Variants in GRM5 observed in about 807,000 individuals in gnomAD.
GRM5 encodes metabotropic glutamate receptor 5.
GRM5 carries 19 observed loss-of-function variants against 83.1 expected under a neutral mutation model. The observed-to-expected ratio is 0.23, with a 90% CI of 0.16 to 0.34. The LOEUF is 0.34. Among genes scored for constraint, GRM5 ranks in the 10% least tolerant of loss-of-function variants. GRM5 has a pLI of 1.00. For missense variants in GRM5, 1,160 were observed against 1,588.3 expected (o/e 0.73, Z 4.58); for synonymous variants, 675 against 633.6 (o/e 1.07, Z -0.98).
chr11:88,856,135 A>G (rs1403030508), intron 2 of GRM5, among the ~76,000 whole-genome samples: 2 of 152,074 alleles, frequency 1.3e-5, no homozygotes, highest in African/African-American at 4.8e-5. Context: ...TAAGATTCCC[A>G]ATATAAACAA....
intron 3 of GRM5, among the ~76,000 whole-genome samples, chr11:88,680,209 T>A (rs561655233): frequency 6.6e-6 from 1 of 152,294 alleles, no homozygotes; most frequent in African/African-American, 2.4e-5. Context: ...ACATTAGGTA[T>A]ATCTCCTAAT....
At chr11:88,585,457 A>C (rs977495174) in intron 7 of GRM5, among the ~76,000 whole-genome samples, 1 of 152,190 alleles carries the variant, frequency 6.6e-6, no homozygotes, top group Non-Finnish European at 1.5e-5. Context: ...ATTTCCCTTA[A>C]GATAAACTTT....
intron 3 of GRM5, among the ~76,000 whole-genome samples, chr11:88,843,439 G>T (rs1590904636): frequency 6.6e-6 from 1 of 152,156 alleles, no homozygotes; most frequent in Non-Finnish European, 1.5e-5. Flanking sequence ...TGTTGTAATT[G>T]GTTTGGGGCA....
At position 88,565,953 on chromosome 11, in the gene GRM5, T is replaced by C. The variant is rs531916636; in HGVS notation, c.2630+1100A>G. Among the ~76,000 whole-genome samples the C allele has an allele frequency of 7.0e-4, 106 of 152,342 alleles. 1 individual carries two copies. Among genetic ancestry groups the C allele is most frequent in the Middle Eastern group, 3.4e-3 (1 of 294 alleles). ...GTATCTTTACCATCATAATAAGTCA[T>C]ACTTTGAAGATTTAGGGCTGACAGA... On this transcript the variant is annotated intron_variant, in intron 8 of 9. Transcript: ENST00000305447.
At chr11:88,559,392 A>G (rs551989573) in intron 8 of GRM5, among the ~76,000 whole-genome samples, 2 of 152,304 alleles carry the variant, frequency 1.3e-5, no homozygotes, top group Admixed American at 1.3e-4. Flanking sequence ...TGAGTGGGCT[A>G]TGAAGCTAGC....
chr11:88,668,180 T>C (rs571544417), intron 3 of GRM5, among the ~76,000 whole-genome samples: 8 of 150,922 alleles, frequency 5.3e-5, no homozygotes, highest in Admixed American at 1.3e-4. Flanking sequence ...CTTAAATCAG[T>C]GGAAGTTTAT....
chr11:89,043,987 T>C (rs1352526437), intron 2 of GRM5, among the ~76,000 whole-genome samples: 1 of 152,110 alleles, frequency 6.6e-6, no homozygotes, highest in Non-Finnish European at 1.5e-5. Context: ...TAAAAGGGAA[T>C]TATCAAGTCA....
chr11:88,963,804 T>C (rs1938858397), intron 2 of GRM5, among the ~76,000 whole-genome samples: 2 of 152,302 alleles, frequency 1.3e-5, no homozygotes, highest in East Asian at 1.9e-4. Flanking sequence ...GCTGTGAAGA[T>C]ACAGATATCA....
At chr11:88,993,162 A>G (rs1169079063) in intron 2 of GRM5, among the ~76,000 whole-genome samples, 6 of 150,346 alleles carry the variant, frequency 4.0e-5, no homozygotes, top group African/African-American at 7.3e-5. Context: ...GCTCCTCCGT[A>G]GGCTAAGGCA....
intron 2 of GRM5, among the ~76,000 whole-genome samples, chr11:88,893,817 GTCATCA>G (rs1945186498): frequency 6.6e-6 from 1 of 151,986 alleles, no homozygotes; most frequent in African/African-American, 2.4e-5. Context: ...GCCAGAAAGA[GTCATCA>G]TCCAACACCC....
chr11:88,820,300 G>A lies in GRM5; in HGVS notation c.911+29606C>T, dbSNP rs181847787. 1.8e-3 allele frequency among the ~76,000 whole-genome samples: 261 copies of A among 144,056 alleles called. 5 individuals are homozygous for A. Among genetic ancestry groups the A allele is most frequent in the African/African-American group, 6.6e-3 (252 of 38,306 alleles). The allele number at this position is 144,056 out of a possible 152,430, so 94.5% of individuals were successfully genotyped here. On this transcript the variant is annotated intron_variant, in intron 3 of 9. Transcript: ENST00000305447. ...CTACTCAGGAGAATGGTGTGAACCC[G>A]GGAGGCAGAACTTGCAGTGAGCTGA...
chr11:88,815,297 G>T (rs986157379), intron 3 of GRM5, among the ~76,000 whole-genome samples: 1 of 151,958 alleles, frequency 6.6e-6, no homozygotes, highest in East Asian at 1.9e-4. Context: ...TTCAATATTT[G>T]GGAACTAAAT....
chr11:88,672,796 G>T (rs1294156189), intron 3 of GRM5, among the ~76,000 whole-genome samples: 2 of 151,928 alleles, frequency 1.3e-5, no homozygotes, highest in East Asian at 3.9e-4. Context: ...AAACTGAAAG[G>T]TACTAAAAAG....
intron 3 of GRM5, among the ~76,000 whole-genome samples, chr11:88,786,019 A>C (rs1218939501): frequency 6.6e-6 from 1 of 152,150 alleles, no homozygotes; most frequent in East Asian, 1.9e-4. Flanking sequence ...ACCAAGGGGA[A>C]GCATACATTT....
chr11:88,614,141 C>G (rs1938405462), intron 4 of GRM5, among the ~76,000 whole-genome samples: 1 of 152,102 alleles, frequency 6.6e-6, no homozygotes. Flanking sequence ...GGGTTTGAGT[C>G]TCATTCTTTT....
intron 9 of GRM5, among the ~76,000 whole-genome samples, chr11:88,523,582 G>A (rs953570723): frequency 3.3e-5 from 5 of 152,132 alleles, no homozygotes; most frequent in African/African-American, 1.2e-4. Flanking sequence ...TGTATAAAGG[G>A]ATTGTAGGCA....
At position 88,968,838 on chromosome 11, in the gene GRM5, G is replaced by A. The variant is rs117542118; in HGVS notation, c.661+78374C>T. Among the ~76,000 whole-genome samples the A allele has an allele frequency of 5.8e-3, 875 of 152,112 alleles. 4 individuals are homozygous for A. The highest frequency in any genetic ancestry group is 8.8e-3 in the Non-Finnish European group (595 of 67,980). ...ACCAAACTAAAAAATAAGTATGTAAGAGTCAGATAATCAAAGGGTTTAGAT... is the reference window on the plus strand; with the variant it reads ...ACCAAACTAAAAAATAAGTATGTAAAAGTCAGATAATCAAAGGGTTTAGAT... On this transcript the variant is annotated intron_variant, in intron 2 of 9. Coordinates refer to ENST00000305447, the MANE Select transcript of GRM5 (RefSeq NM_001143831.3).
At chr11:88,782,305 GT>G (rs1942989457) in intron 3 of GRM5, among the ~76,000 whole-genome samples, 1 of 152,102 alleles carries the variant, frequency 6.6e-6, no homozygotes, top group South Asian at 2.1e-4. Flanking sequence ...ACAGTTCCAC[GT>G]GTCTAGGGAA....
At position 88,950,191 on chromosome 11, in the gene GRM5, A is replaced by G. The variant is rs369587583; in HGVS notation, c.661+97021T>C. ...GCCCGGCCGAATTTCCTTGTTATCT[A>G]TTAGACACCATTAAGGGCAACTACT... On this transcript the variant is annotated intron_variant, in intron 2 of 9. Coordinates refer to ENST00000305447, the MANE Select transcript of GRM5 (RefSeq NM_001143831.3). Among the ~76,000 whole-genome samples, 29 of 152,180 alleles carry G rather than the reference A, an allele frequency of 1.9e-4. No homozygotes were observed. In the South Asian group the frequency reaches 5.8e-3, roughly 30 times the overall value.
Sources: gnomAD v4.1 joint callset for allele counts (sites outside exome capture counted in the v4.1 genomes callset) on GRCh38, gnomAD v4.1.1 for gene constraint, MANE v1.5 for transcripts, NCBI Gene and HGNC (gene_info 2026-07-23, HGNC 2026-07-21) for gene names.